The following PLCG2 variants were observed in gnomAD, a reference collection of about 807,000 sequenced individuals.
The protein encoded by PLCG2 is 1-phosphatidylinositol 4,5-bisphosphate phosphodiesterase gamma-2.
PLCG2 carries 69 observed loss-of-function variants against 175.6 expected under a neutral mutation model. The ratio of observed to expected loss-of-function variants is 0.39; its 90% CI spans 0.32 to 0.48. The LOEUF is 0.48. PLCG2 is among the 20% of genes least tolerant of loss of function. The pLI is 0.91. For missense variants in PLCG2, 1,798 were observed against 1,650.9 expected (o/e 1.09, Z -1.54); for synonymous variants, 827 against 624.0 (o/e 1.33, Z -4.85).
chr16:81,837,629 G>A (rs1321250648), intron 2 of PLCG2, among the ~76,000 whole-genome samples: 1 of 151,338 alleles, frequency 6.6e-6, no homozygotes. Context: ...TTCCTTCTCA[G>A]TTCCCTTTCC....
chr16:81,748,869 C>T (rs1909753130), intron 1 of PLCG2, among the ~76,000 whole-genome samples: 1 of 152,186 alleles, frequency 6.6e-6, no homozygotes, highest in African/African-American at 2.4e-5. Context: ...AATTGAGGCT[C>T]AGAGAGGCTC....
intron 2 of PLCG2, among the ~76,000 whole-genome samples, chr16:81,816,730 G>T (rs967100085): frequency 2.3e-5 from 3 of 130,774 alleles, no homozygotes; most frequent in African/African-American, 8.7e-5. Context: ...TTAAACTCCT[G>T]GGCTAAAGCA....
rs528301317 is a variant in PLCG2, at chr16:81,826,390, C to G, written c.194-28054C>G. 9.4e-4 allele frequency among the ~76,000 whole-genome samples: 143 copies of G among 152,280 alleles called. 1 individual carries two copies. Among genetic ancestry groups the G allele is most frequent in the Admixed American group, 2.0e-3 (30 of 15,300 alleles). On this transcript the variant is annotated intron_variant, in intron 2 of 32. Coordinates refer to ENST00000564138, the MANE Select transcript of PLCG2 (RefSeq NM_002661.5). ...GGAGGTCAGTGTAGGGGTCCATGGG[C>G]AGGTTCCCTGGGCTCCAGTTTCAGC...
Position 81,936,331 on chromosome 16 carries a change from T to A in PLCG2, c.3005T>A (p.Leu1002His). 1 of 1,614,184 alleles carries A rather than the reference T, an allele frequency of 6.2e-7. No homozygotes were observed. The highest frequency in any genetic ancestry group is 8.5e-7 in the Non-Finnish European group (1 of 1,180,046). The change falls in exon 27 of 33, where the codon CTC becomes CAC. Residue 1002 changes from leucine to histidine, a missense_variant. Leu to His is a moderately conservative substitution (Grantham distance 99, BLOSUM62 -3). Transcript: ENST00000564138. The part of the protein sequence containing the change: ...VDSSNYDPFR[L>H]WLCGSQMVAL... ...TCTTCAAACTACGACCCCTTCCGCC[T>A]CTGGCTGTGCGGTTCTCAGATGGTG...
chr16:81,940,460 G>GGA (rs1555522918), intron 30 of PLCG2, among the ~76,000 whole-genome samples: 1 of 145,994 alleles, frequency 6.8e-6, no homozygotes, highest in South Asian at 2.2e-4. Flanking sequence ...GGCATCTTGG[G>GGA]GGGGGAGTAA....
rs1016022133 is a variant in PLCG2, at chr16:81,765,438, C to T, written c.-48+9472C>T. 1.1e-4 allele frequency among the ~76,000 whole-genome samples: 16 copies of T among 152,358 alleles called. No homozygotes were observed. The East Asian group carries it at 1.5e-3, about 15-fold the overall frequency. On this transcript the variant is annotated intron_variant, in intron 2 of 5. Transcript: ENST00000565054. Reference sequence around the variant, plus strand: ...TTGAGGTCAGGAGTTCAAGACCAGCCTGGGCTACATGATGAAACCCTGTTT... The same window carrying T: ...TTGAGGTCAGGAGTTCAAGACCAGCTTGGGCTACATGATGAAACCCTGTTT...
chr16:81,885,520 C>G (rs1597107344), intron 9 of PLCG2, among the ~76,000 whole-genome samples: 3 of 152,294 alleles, frequency 2.0e-5, no homozygotes, highest in East Asian at 3.9e-4. Flanking sequence ...ATCTCCCTAC[C>G]CTTCCCCTTT....
In PLCG2 at chr16:81,958,076, C is replaced by G; in HGVS notation, c.*78C>G. 9.9e-7 allele frequency: 1 copy of G among 1,012,158 alleles called. No homozygotes were observed. Among genetic ancestry groups the G allele is most frequent in the South Asian group, 1.3e-5 (1 of 77,194 alleles). The allele number at this position is 1,012,158 out of a possible 1,614,324, so 62.7% of individuals were successfully genotyped here. Reference sequence around the variant, plus strand: ...TGTAGGAGAACGTGCCCTATTCACACTCTGGGAAGACGCTAATCTGTGACA... The same window carrying G: ...TGTAGGAGAACGTGCCCTATTCACAGTCTGGGAAGACGCTAATCTGTGACA... On this transcript the variant is annotated 3_prime_UTR_variant, in exon 33 of 33. Transcript: ENST00000564138.
chr16:81,782,471 G>T (rs879173034), intron 1 of PLCG2, among the ~76,000 whole-genome samples: 1 of 152,138 alleles, frequency 6.6e-6, no homozygotes, highest in Admixed American at 6.5e-5. Flanking sequence ...CTGGGCTCAA[G>T]GTCTTGGAGA....
intron 1 of PLCG2, among the ~76,000 whole-genome samples, chr16:81,748,582 G>T (rs930934671): frequency 6.6e-6 from 1 of 152,076 alleles, no homozygotes. Flanking sequence ...GGGACTTCTT[G>T]CACTTACCCC....
At chr16:81,877,420 A>C (rs1435799670) in intron 7 of PLCG2, among the ~76,000 whole-genome samples, 2 of 152,124 alleles carry the variant, frequency 1.3e-5, no homozygotes, top group African/African-American at 2.4e-5. Context: ...GCGCCACTGC[A>C]CTCCAGCCTG....
rs562487670 is a variant in PLCG2 at position 81,817,666 on chromosome 16, A to G, written c.193+31484A>G. Among the ~76,000 whole-genome samples, 7 of 152,338 alleles carry G rather than the reference A, an allele frequency of 4.6e-5. No individual in the cohort carries two copies. The South Asian group carries it at 1.2e-3, about 27-fold the overall frequency. ...TTATCTATTTATTTTTAAAATTTCA[A>G]GTAGAGATAGGGTCTCACTGTGTTG... On this transcript the variant is annotated intron_variant, in intron 2 of 32. Coordinates refer to ENST00000564138, the MANE Select transcript of PLCG2 (RefSeq NM_002661.5).
chr16:81,826,144 C>T (rs1378027219), intron 2 of PLCG2, among the ~76,000 whole-genome samples: 1 of 152,166 alleles, frequency 6.6e-6, no homozygotes, highest in Admixed American at 6.5e-5. Flanking sequence ...GTAAGAGATA[C>T]CACCATCCAG....
chr16:81,868,223 A>G (rs1025543025), intron 5 of PLCG2, among the ~76,000 whole-genome samples: 2 of 152,160 alleles, frequency 1.3e-5, no homozygotes, highest in South Asian at 2.1e-4. Flanking sequence ...CTGGTGAACA[A>G]TTAGGCAACT....
intron 12 of PLCG2, among the ~76,000 whole-genome samples, chr16:81,894,778 C>G (rs893028277): frequency 6.6e-6 from 1 of 151,762 alleles, no homozygotes; most frequent in Admixed American, 6.6e-5. Flanking sequence ...GAGGCCGAGG[C>G]ACAGGAATCA....
chr16:81,887,884 T>C (rs1908449381), intron 9 of PLCG2, among the ~76,000 whole-genome samples: 1 of 152,194 alleles, frequency 6.6e-6, no homozygotes, highest in Non-Finnish European at 1.5e-5. Flanking sequence ...TTTTAAAGGG[T>C]TTCTAGAATG....
chr16:81,940,794 G>T (rs1910908916), intron 30 of PLCG2, among the ~76,000 whole-genome samples: 1 of 152,108 alleles, frequency 6.6e-6, no homozygotes. Flanking sequence ...AAAAAAACTG[G>T]CTCTCCTTAG....
intron 11 of PLCG2, 134 bp downstream of exon 11, chr16:81,891,724 A>G (rs1262573733): frequency 1.7e-6 from 1 of 591,952 alleles, no homozygotes; most frequent in Non-Finnish European, 3.1e-6. Flanking sequence ...TCCTTGGACT[A>G]AAATACACAG....
chr16:81,920,749 G>C (rs1034869734), intron 20 of PLCG2, among the ~76,000 whole-genome samples: 5 of 190 alleles, frequency 0.026, no homozygotes, highest in Non-Finnish European at 0.056. Flanking sequence ...AGCTCTCAGC[G>C]GGGTAGGGGG....
Sources: allele counts gnomAD v4.1 joint callset (sites outside exome capture counted in the v4.1 genomes callset), GRCh38; gene constraint gnomAD v4.1.1; transcripts MANE v1.5; gene names NCBI Gene and HGNC (gene_info 2026-07-23, HGNC 2026-07-21).